The following DHX57 variants were observed in gnomAD, a reference collection of about 807,000 sequenced individuals.
DHX57 encodes the protein DExH-box helicase 57.
In DHX57, 105 loss-of-function variants were observed where a neutral mutation model predicts 156.2. That is an observed-to-expected ratio of 0.67 (90% CI 0.57 to 0.79). The LOEUF is 0.79. DHX57 is among the 30% of genes least tolerant of loss of function. The pLI is 0.00. For missense variants in DHX57, 1,847 were observed against 1,661.9 expected (o/e 1.11, Z -1.94); for synonymous variants, 704 against 595.6 (o/e 1.18, Z -2.65).
In DHX57 at chr2:38,871,946, G is replaced by T. The variant is rs1023311073; in HGVS notation, c.-6-3535C>A. On this transcript the variant is annotated intron_variant, in intron 1 of 23. Coordinates refer to ENST00000457308, the MANE Select transcript of DHX57 (RefSeq NM_198963.3). Reference sequence around the variant, plus strand: ...GATGGTCTCGATCTCTTGACCTTGTGATCCGCCTGCCTCGGCCTCCCAAAG... The same window carrying T: ...GATGGTCTCGATCTCTTGACCTTGTTATCCGCCTGCCTCGGCCTCCCAAAG... 3.3e-5 allele frequency among the ~76,000 whole-genome samples: 5 copies of T among 152,236 alleles called. No homozygotes were observed. The East Asian group carries it at 9.7e-4, about 29-fold the overall frequency.
At chr2:38,800,518 A>AG (rs1669633425) in intron 23 of DHX57, among the ~76,000 whole-genome samples, 1 of 152,154 alleles carries the variant, frequency 6.6e-6, no homozygotes, top group Non-Finnish European at 1.5e-5. Flanking sequence ...GGAAACATAC[A>AG]GTTCGGACCC....
chr2:38,841,327 G>A (rs963242577), intron 12 of DHX57, among the ~76,000 whole-genome samples: 2 of 152,160 alleles, frequency 1.3e-5, no homozygotes, highest in African/African-American at 4.8e-5. Flanking sequence ...AGGAAACTGA[G>A]GCACAGAGAT....
intron 12 of DHX57, among the ~76,000 whole-genome samples, chr2:38,841,952 A>C (rs1018257192): frequency 1.3e-4 from 20 of 152,238 alleles, no homozygotes; most frequent in Non-Finnish European, 2.4e-4. Context: ...AACTATTGGG[A>C]TATTAAATGG....
intron 2 of DHX57, among the ~76,000 whole-genome samples, chr2:38,866,757 C>A (rs1341941184): frequency 6.6e-6 from 1 of 152,190 alleles, no homozygotes; most frequent in Non-Finnish European, 1.5e-5. Flanking sequence ...GGAGCTGCAG[C>A]TAACTCAGAA....
intron 9 of DHX57, among the ~76,000 whole-genome samples, chr2:38,850,589 T>G (rs1190590053): frequency 6.9e-6 from 1 of 144,360 alleles, no homozygotes; most frequent in Non-Finnish European, 1.5e-5. Context: ...TGTGAGCCAC[T>G]GCACCTGGCC....
intron 23 of DHX57, among the ~76,000 whole-genome samples, chr2:38,798,858 G>C (rs1275785162): frequency 6.6e-6 from 1 of 152,136 alleles, no homozygotes; most frequent in East Asian, 1.9e-4. Context: ...CAGGAGAATG[G>C]CTTGAACCCA....
intron 13 of DHX57, among the ~76,000 whole-genome samples, chr2:38,831,890 T>G (rs1572656291): frequency 6.7e-6 from 1 of 148,940 alleles, no homozygotes; most frequent in East Asian, 2.0e-4. Flanking sequence ...GACATGGTGG[T>G]GCACACCTGT....
chr2:38,818,752 A>C, intron 19 of DHX57, 125 bp downstream of exon 19: 3 of 1,102,214 alleles, frequency 2.7e-6, no homozygotes, highest in South Asian at 1.5e-5. Context: ...ACGGCTGGTA[A>C]GGCCAAACAT....
chr2:38,811,331 G>A, intron 21 of DHX57: 1 of 526,650 alleles, frequency 1.9e-6, no homozygotes, highest in East Asian at 4.5e-5. Context: ...GGCACTGTGG[G>A]ACACATACTT....
At chr2:38,838,095 A>G in intron 12 of DHX57, 148 bp from the exon 13 acceptor site, 1 of 620,868 alleles carries the variant, frequency 1.6e-6, no homozygotes, top group Non-Finnish European at 2.8e-6. Flanking sequence ...ACTGAAATGA[A>G]CTTTTTTCTT....
At chr2:38,828,194 T>C in intron 14 of DHX57, 146 bp downstream of exon 14, 2 of 520,486 alleles carry the variant, frequency 3.8e-6, no homozygotes, top group Non-Finnish European at 3.2e-6. Flanking sequence ...ACTGATTTCC[T>C]GCAGCAAATA....
At chr2:38,871,913 T>G (rs1665374700) in intron 1 of DHX57, among the ~76,000 whole-genome samples, 1 of 152,116 alleles carries the variant, frequency 6.6e-6, no homozygotes. Context: ...TTTCACCATG[T>G]TAGCCAGGAT....
chr2:38,842,846 T>C (rs1458776205), intron 12 of DHX57, among the ~76,000 whole-genome samples, 159 bp downstream of exon 12: 5 of 152,216 alleles, frequency 3.3e-5, no homozygotes, highest in African/African-American at 9.6e-5. Flanking sequence ...ATTCTAAATA[T>C]GTATCTGAAC....
chr2:38,829,667 CT>C (rs1671283907), intron 13 of DHX57, among the ~76,000 whole-genome samples: 2 of 152,162 alleles, frequency 1.3e-5, no homozygotes, highest in African/African-American at 2.4e-5. Flanking sequence ...AATCTTTCTG[CT>C]TTAGCCTCCC....
chr2:38,869,868 G>T (rs577712517), intron 1 of DHX57, among the ~76,000 whole-genome samples: 2 of 152,152 alleles, frequency 1.3e-5, no homozygotes, highest in Non-Finnish European at 2.9e-5. Context: ...GAGAACAGAT[G>T]TCAGATTTAA....
intron 14 of DHX57, among the ~76,000 whole-genome samples, chr2:38,827,834 A>T (rs1671181542): frequency 6.6e-6 from 1 of 151,864 alleles, no homozygotes. Flanking sequence ...ATTACATGCA[A>T]ATTTGCTGAG....
intron 13 of DHX57, among the ~76,000 whole-genome samples, chr2:38,833,231 C>A (rs1281374610): frequency 6.6e-6 from 1 of 151,892 alleles, no homozygotes; most frequent in Non-Finnish European, 1.5e-5. Context: ...CAACCTCCGC[C>A]TCCTGGGTTC....
chr2:38,809,452 TTC>T (rs1186427610), intron 21 of DHX57, among the ~76,000 whole-genome samples: 3 of 140,756 alleles, frequency 2.1e-5, no homozygotes, highest in Non-Finnish European at 3.1e-5. Context: ...GGCTATTTCT[TTC>T]TGTTTTTTTT....
At chr2:38,808,259 T>C (rs1670062381) in intron 21 of DHX57, among the ~76,000 whole-genome samples, 1 of 152,082 alleles carries the variant, frequency 6.6e-6, no homozygotes, top group South Asian at 2.1e-4. Context: ...AGCCAGTAAA[T>C]ATCATTTTAA....
Sources: gnomAD v4.1 joint callset for allele counts (sites outside exome capture counted in the v4.1 genomes callset) on GRCh38, gnomAD v4.1.1 for gene constraint, MANE v1.5 for transcripts, NCBI Gene and HGNC (gene_info 2026-07-23, HGNC 2026-07-21) for gene names.